Variants in KLHL32 observed in about 807,000 individuals in gnomAD.
The protein encoded by KLHL32 is kelch like family member 32.
KLHL32 carries 35 observed loss-of-function variants against 64.8 expected under a neutral mutation model. The ratio of observed to expected loss-of-function variants is 0.54; its 90% CI spans 0.41 to 0.72. The LOEUF (loss-of-function observed/expected upper bound fraction) is 0.72, where lower values mean the gene tolerates loss of function less well. KLHL32 is among the 30% of genes least tolerant of loss of function. KLHL32 has a pLI of 0.00. For missense variants in KLHL32, 589 were observed against 768.5 expected (o/e 0.77, Z 2.76); for synonymous variants, 259 against 281.0 (o/e 0.92, Z 0.78).
At chr6:97,087,255 A>G (rs1793556437) in intron 6 of KLHL32, among the ~76,000 whole-genome samples, 1 of 152,194 alleles carries the variant, frequency 6.6e-6, no homozygotes, top group South Asian at 2.1e-4. Flanking sequence ...ATTCAACCCC[A>G]TAGAGAAAAA....
intron 2 of KLHL32, among the ~76,000 whole-genome samples, chr6:96,973,390 T>G (rs554565556): frequency 3.9e-5 from 6 of 152,316 alleles, no homozygotes; most frequent in African/African-American, 1.4e-4. Flanking sequence ...TCTTAATATA[T>G]TCTTCGGTTC....
intron 10 of KLHL32, among the ~76,000 whole-genome samples, chr6:97,135,538 A>G (rs1462940112): frequency 6.6e-6 from 1 of 151,794 alleles, no homozygotes; most frequent in African/African-American, 2.4e-5. Flanking sequence ...AAACTCCTGA[A>G]CTGCCCACCT....
chr6:96,900,696 G>A, the KLHL32 span, among the ~76,000 whole-genome samples: 5 of 152,128 alleles, frequency 3.3e-5, no homozygotes, highest in African/African-American at 9.7e-5. Context: ...AGCATTCTGC[G>A]TTCTCCAAAG....
intron 6 of KLHL32, among the ~76,000 whole-genome samples, chr6:97,093,220 G>A (rs1794514074): frequency 6.6e-6 from 1 of 152,176 alleles, no homozygotes; most frequent in Non-Finnish European, 1.5e-5. Flanking sequence ...ATATGAGGTA[G>A]AAACCCTGAG....
chr6:97,016,518 A>G (rs910078723), intron 3 of KLHL32, among the ~76,000 whole-genome samples: 15 of 152,224 alleles, frequency 9.9e-5, no homozygotes, highest in African/African-American at 3.4e-4. Flanking sequence ...CAATGCTTGT[A>G]CACCCATTTT....
At chr6:97,092,152 C>A (rs940289164) in intron 6 of KLHL32, among the ~76,000 whole-genome samples, 2 of 152,002 alleles carry the variant, frequency 1.3e-5, no homozygotes, top group African/African-American at 4.8e-5. Flanking sequence ...ACACACCTGG[C>A]TAATTTTTTT....
chr6:96,952,111 C>G (rs1772697947), intron 1 of KLHL32, among the ~76,000 whole-genome samples: 1 of 151,954 alleles, frequency 6.6e-6, no homozygotes. Context: ...GTGAGTGCAC[C>G]CTGTGATGGG....
chr6:96,923,116 T>C (rs1768807863), upstream of KLHL32, among the ~76,000 whole-genome samples: 1 of 152,222 alleles, frequency 6.6e-6, no homozygotes, highest in Non-Finnish European at 1.5e-5. Context: ...GTAAATATTC[T>C]TTTCCTGTGT....
chr6:97,102,264 C>A (rs114005843), intron 6 of KLHL32, among the ~76,000 whole-genome samples: 1 of 152,160 alleles, frequency 6.6e-6, no homozygotes, highest in African/African-American at 2.4e-5. Flanking sequence ...ATTTCCCTGG[C>A]CATTTCAGCT....
At chr6:96,918,153 G>C in the KLHL32 span, among the ~76,000 whole-genome samples, 399 of 152,310 alleles carry the variant, frequency 2.6e-3, 3 homozygotes, top group Middle Eastern at 3.4e-3. Flanking sequence ...AAGAGCTGCT[G>C]TCCAAGGCAG....
Position 97,099,744 on chromosome 6 carries a change from C to G in KLHL32, c.628-14039C>G, listed in dbSNP as rs542707905. Among the ~76,000 whole-genome samples, 12 of 152,296 alleles carry G rather than the reference C, an allele frequency of 7.9e-5. No individual in the cohort carries two copies. In the East Asian group the frequency reaches 2.1e-3, roughly 27 times the overall value. On this transcript the variant is annotated intron_variant, in intron 6 of 10. Transcript: ENST00000369261. The stretch of plus-strand genomic sequence containing the variant: ...CCCCCTGTCTCTGCTGCTTTGATTC[C>G]TTACATGCTTGATTTCTGTTTTGAG...
chr6:97,086,416 G>A (rs144105759), intron 6 of KLHL32, among the ~76,000 whole-genome samples: 161 of 152,188 alleles, frequency 1.1e-3, no homozygotes, highest in African/African-American at 3.8e-3. Flanking sequence ...TCCACCAGAG[G>A]GAATTAAAGA....
At chr6:97,004,268 T>G (rs1779393080) in intron 3 of KLHL32, among the ~76,000 whole-genome samples, 1 of 152,194 alleles carries the variant, frequency 6.6e-6, no homozygotes, top group Non-Finnish European at 1.5e-5. Context: ...TTGATTTGGC[T>G]TTCAGCTTGG....
chr6:97,105,635 A>G (rs949463799), intron 6 of KLHL32: 1 of 382,718 alleles, frequency 2.6e-6, no homozygotes, highest in African/African-American at 2.1e-5. Flanking sequence ...ACATAATAAT[A>G]GCTGCCCCTG....
chr6:97,064,763 A>G lies in KLHL32; in HGVS notation c.411+37A>G, dbSNP rs7765874. 5,932 of 1,509,534 alleles carry G rather than the reference A, an allele frequency of 3.9e-3. 205 individuals are homozygous for G. In the African/African-American group the frequency reaches 0.07, roughly 18 times the overall value. The allele number at this position is 1,509,534 out of a possible 1,614,324, so 93.5% of individuals were successfully genotyped here. A position where few individuals can be genotyped will look rare whatever the true frequency, so the allele number is the denominator to read the frequency against. On this transcript the variant is annotated intron_variant, in intron 5 of 10. Coordinates refer to ENST00000369261, the MANE Select transcript of KLHL32 (RefSeq NM_052904.4). Reference sequence around the variant, plus strand: ...TGCATCCTGCTCATACACCCTTCACATTCCTTTCCCCACAGTCATAAGCTG... The same window carrying G: ...TGCATCCTGCTCATACACCCTTCACGTTCCTTTCCCCACAGTCATAAGCTG...
intron 7 of KLHL32, among the ~76,000 whole-genome samples, chr6:97,115,519 A>G (rs1410367411): frequency 6.6e-6 from 1 of 152,136 alleles, no homozygotes; most frequent in East Asian, 1.9e-4. Flanking sequence ...ACAACCCAAA[A>G]TCCACAATTA....
chr6:97,089,071 C>T (rs1158617197), intron 6 of KLHL32, among the ~76,000 whole-genome samples: 1 of 152,204 alleles, frequency 6.6e-6, no homozygotes. Flanking sequence ...TGAGCACCTA[C>T]TAAATACCCA....
At chr6:96,909,215 A>G in the KLHL32 span, among the ~76,000 whole-genome samples, 2 of 152,184 alleles carry the variant, frequency 1.3e-5, no homozygotes, top group African/African-American at 2.4e-5. Context: ...AGAATTCGGC[A>G]TCCCTATCAG....
At chr6:97,031,626 C>T (rs921223456) in intron 3 of KLHL32, among the ~76,000 whole-genome samples, 11 of 152,056 alleles carry the variant, frequency 7.2e-5, no homozygotes, top group African/African-American at 1.2e-4. Context: ...TCATGACCCA[C>T]GGTGCCTGGC....
Sources: gnomAD v4.1 joint callset for allele counts (sites outside exome capture counted in the v4.1 genomes callset) on GRCh38, gnomAD v4.1.1 for gene constraint, MANE v1.5 for transcripts, NCBI Gene and HGNC (gene_info 2026-07-23, HGNC 2026-07-21) for gene names.